Variants in PLA2G6 observed in about 807,000 individuals in gnomAD.
PLA2G6 encodes phospholipase A2 group VI.
Under a neutral mutation model 83.8 loss-of-function variants are expected in PLA2G6, and 62 were observed. The ratio of observed to expected loss-of-function variants is 0.74; its 90% CI spans 0.60 to 0.91. The LOEUF (loss-of-function observed/expected upper bound fraction) is 0.91, where lower values mean the gene tolerates loss of function less well. Ranked by LOEUF, PLA2G6 falls within the 40% of genes least tolerant of loss-of-function variation. The pLI is 0.00. For missense variants in PLA2G6, 944 were observed against 1,102.0 expected, an observed-to-expected ratio of 0.86 and a Z score of 2.03; for synonymous variants, 417 against 449.8, an observed-to-expected ratio of 0.93 and a Z score of 0.92.
At chr22:38,144,330 C>T (rs1033929750) in intron 3 of PLA2G6, 1 of 152,366 alleles carries the variant, frequency 6.6e-6, no homozygotes, top group African/African-American at 2.4e-5. Flanking sequence ...TTAGCTCTCT[C>T]TAGAATGATG....
intron 4 of PLA2G6, 27 bp from the exon 5 acceptor site, chr22:38,140,196 C>T (rs1251258501): frequency 1.2e-6 from 2 of 1,608,658 alleles, no homozygotes; most frequent in African/African-American, 2.7e-5. Context: ...GGAAGTTTGA[C>T]TCCATAGGAT....
At chr22:38,121,769 G>A (rs2087541113) in intron 11 of PLA2G6, among the ~76,000 whole-genome samples, 1 of 152,182 alleles carries the variant, frequency 6.6e-6, no homozygotes, top group Admixed American at 6.5e-5. Flanking sequence ...GGCCCTTTTG[G>A]AGAAGAAGCT....
intron 1 of PLA2G6, chr22:38,180,235 G>C (rs2090794554): frequency 6.6e-6 from 1 of 152,046 alleles, no homozygotes; most frequent in Non-Finnish European, 1.5e-5. Context: ...ATTCTGCTGA[G>C]TAAGAGGGAA....
chr22:38,161,256 A>T (rs1270501878), intron 2 of PLA2G6, among the ~76,000 whole-genome samples: 8 of 152,274 alleles, frequency 5.3e-5, no homozygotes, highest in Admixed American at 5.2e-4. Flanking sequence ...GAGGCTAGGA[A>T]GTCTATGATC....
chr22:38,117,243 G>A lies in PLA2G6; in HGVS notation c.1743-1032C>T, dbSNP rs896464502. ...TTTTTTTGAGACGGAGTCTCACTCT[G>A]TTGCCCAGGCTGTAGTACAGTGGCG... is the stretch of plus-strand genomic sequence containing the variant. On this transcript the variant is annotated intron_variant, in intron 12 of 16. Coordinates refer to ENST00000332509, the MANE Select transcript of PLA2G6 (RefSeq NM_003560.4). 4.6e-5 allele frequency among the ~76,000 whole-genome samples: 7 copies of A among 152,292 alleles called. 1 individual carries two copies. Among genetic ancestry groups the A allele is most frequent in the Admixed American group, 3.9e-4 (6 of 15,296 alleles).
intron 1 of PLA2G6, among the ~76,000 whole-genome samples, chr22:38,170,457 C>T (rs904287892): frequency 1.3e-5 from 2 of 152,086 alleles, no homozygotes; most frequent in Middle Eastern, 3.4e-3. Context: ...GGAGCCCCTG[C>T]AGAAGATGCC....
chr22:38,143,336 G>T (rs770508497), intron 3 of PLA2G6, 48 bp from the exon 4 acceptor site: 7 of 1,572,736 alleles, frequency 4.5e-6, no homozygotes, highest in Middle Eastern at 3.5e-4. Flanking sequence ...TGTGGTACAA[G>T]GTGGCAGGGG....
chr22:38,149,866 C>T (rs945311996), intron 2 of PLA2G6: 3 of 151,352 alleles, frequency 2.0e-5, no homozygotes, highest in Non-Finnish European at 2.9e-5. Context: ...ACCAGCGGGG[C>T]GGAGGTTGCA....
chr22:38,133,285 A>G (rs1407738758), intron 6 of PLA2G6: 1 of 542,972 alleles, frequency 1.8e-6, no homozygotes, highest in Non-Finnish European at 3.3e-6. Flanking sequence ...AACAGAACCC[A>G]CTCTCCTTGC....
intron 11 of PLA2G6, 138 bp downstream of exon 11, chr22:38,122,957 C>T (rs1209379016): frequency 8.6e-6 from 6 of 694,522 alleles, no homozygotes; most frequent in Admixed American, 7.2e-5. Flanking sequence ...CCTGCAGCCC[C>T]GCCCCTGCCT....
At chr22:38,145,784 A>AAAACACACACACACACACACAC in intron 2 of PLA2G6, 131 bp from the exon 3 acceptor site, 1 of 482,654 alleles carries the variant, frequency 2.1e-6, no homozygotes, top group Non-Finnish European at 3.8e-6. Flanking sequence ...CTCCCAAGCA[A>AAAACACACACACACACACACAC]ACACACACAC....
At chr22:38,118,777 A>G (rs2087357296) in intron 12 of PLA2G6, among the ~76,000 whole-genome samples, 1 of 149,340 alleles carries the variant, frequency 6.7e-6, no homozygotes, top group African/African-American at 2.5e-5. Flanking sequence ...GTCTTAAGAC[A>G]GGGTCTCACT....
At position 38,171,798 on chromosome 22, in the gene PLA2G6, G is replaced by A. The variant is rs1049918443; in HGVS notation, c.-45-2327C>T. ...ATAGCACCACCGCACTCCAGCCTAG[G>A]TGACAGAGTGAAGACTCCGTCTCAG... is the stretch of plus-strand genomic sequence containing the variant. On this transcript the variant is annotated intron_variant, in intron 1 of 16. Transcript: ENST00000332509. Among the ~76,000 whole-genome samples, 18 of 150,810 alleles carry A rather than the reference G, an allele frequency of 1.2e-4. No homozygotes were observed. The South Asian group carries it at 2.7e-3, about 23-fold the overall frequency.
intron 2 of PLA2G6, chr22:38,148,343 A>G (rs918489699): frequency 1.7e-6 from 1 of 592,096 alleles, no homozygotes; most frequent in Non-Finnish European, 3.0e-6. Context: ...GGGAACGATG[A>G]TTCTCTCTCA....
intron 1 of PLA2G6, among the ~76,000 whole-genome samples, chr22:38,178,299 G>A (rs895185736): frequency 6.6e-6 from 1 of 152,134 alleles, no homozygotes; most frequent in Non-Finnish European, 1.5e-5. Flanking sequence ...GGTCAGGCAC[G>A]GCAGTTCACT....
chr22:38,165,253 G>A (rs560034757), intron 2 of PLA2G6, among the ~76,000 whole-genome samples: 10 of 152,200 alleles, frequency 6.6e-5, no homozygotes, highest in East Asian at 1.9e-4. Flanking sequence ...CCTGATCTAC[G>A]CCAGGCACCT....
At chr22:38,180,191 T>G in intron 1 of PLA2G6, 1 of 150,360 alleles carries the variant, frequency 6.7e-6, no homozygotes, top group African/African-American at 2.5e-5. Flanking sequence ...ACAGAGTATT[T>G]AAATTTCTCC....
chr22:38,158,136 T>A (rs1434399089), intron 2 of PLA2G6, among the ~76,000 whole-genome samples: 1 of 151,870 alleles, frequency 6.6e-6, no homozygotes, highest in Admixed American at 6.6e-5. Context: ...AGTATTTGCA[T>A]CATCATTGGG....
At chr22:38,116,891 C>T (rs1031392353) in intron 12 of PLA2G6, among the ~76,000 whole-genome samples, 10 of 109,660 alleles carry the variant, frequency 9.1e-5, no homozygotes, top group African/African-American at 3.0e-4. Context: ...ATATTTTGAA[C>T]AACTCTAAGC....
Sources: allele counts gnomAD v4.1 joint callset (sites outside exome capture counted in the v4.1 genomes callset), GRCh38; gene constraint gnomAD v4.1.1; transcripts MANE v1.5; gene names NCBI Gene and HGNC (gene_info 2026-07-23, HGNC 2026-07-21).